The following FNIP1 variants were observed in gnomAD, a reference collection of about 807,000 sequenced individuals.
FNIP1 encodes the protein folliculin interacting protein 1.
In FNIP1, 40 loss-of-function variants were observed where a neutral mutation model predicts 124.5. The ratio of observed to expected loss-of-function variants is 0.32; its 90% CI spans 0.25 to 0.42. FNIP1 has a LOEUF of 0.42. FNIP1 is among the 10% of genes least tolerant of loss of function. The pLI is 1.00. For missense variants in FNIP1, 1,176 were observed against 1,403.7 expected, an observed-to-expected ratio of 0.84 and a Z score of 2.59; for synonymous variants, 472 against 470.6, an observed-to-expected ratio of 1.00 and a Z score of -0.04.
chr5:131,672,212 A>C lies in FNIP1; in HGVS notation c.2232T>G (p.Cys744Trp). The C allele has an allele frequency of 6.2e-7, 1 of 1,614,232 alleles. No individual in the cohort carries two copies. Residue 744 changes from cysteine (C) to tryptophan (W), a missense_variant, in exon 14 of 18, where the codon TGT (cysteine) becomes TGG (tryptophan). Physicochemically the swap from Cys to Trp is radical, Grantham distance 215. Around this residue, in one of 2 missense-constraint regions of FNIP1, gnomAD observed 1,109 missense variants for 1,288.5 expected, o/e 0.86. Coordinates refer to ENST00000510461, the MANE Select transcript of FNIP1 (RefSeq NM_133372.3). Reference protein sequence around the residue: ...PDKIVPASFSCEAAQTKVTFL... With the variant: ...PDKIVPASFSWEAAQTKVTFL... ...AAGTAACCTTTGTCTGGGCAGCCTC[A>C]CAAGAAAATGAAGCAGGCACAATCT...
chr5:131,783,769 G>C lies in FNIP1; in HGVS notation c.92+13061C>G, dbSNP rs558137700. On this transcript the variant is annotated intron_variant, in intron 1 of 17. Coordinates refer to ENST00000510461, the MANE Select transcript of FNIP1 (RefSeq NM_133372.3). ...GCAATACTGGAAGCTCAAGACAATA[G>C]GGCAATGCCTTCAAATTACTGACTT... 4.6e-5 allele frequency among the ~76,000 whole-genome samples: 7 copies of C among 152,102 alleles called. No individual in the cohort carries two copies. The South Asian group carries it at 1.5e-3, about 32-fold the overall frequency.
At chr5:131,744,312 T>C (rs1223857056) in intron 2 of FNIP1, among the ~76,000 whole-genome samples, 1 of 152,196 alleles carries the variant, frequency 6.6e-6, no homozygotes, top group African/African-American at 2.4e-5. Context: ...GAAGTCATGC[T>C]TATCACATTT....
intron 15 of FNIP1, among the ~76,000 whole-genome samples, chr5:131,655,697 C>A (rs1767170129): frequency 6.6e-6 from 1 of 151,200 alleles, no homozygotes; most frequent in Non-Finnish European, 1.5e-5. Flanking sequence ...AAAAACTAAT[C>A]TCTTTTCGAG....
chr5:131,759,788 A>G (rs930163062), intron 1 of FNIP1, among the ~76,000 whole-genome samples: 1 of 152,160 alleles, frequency 6.6e-6, no homozygotes, highest in Admixed American at 6.6e-5. Context: ...ACATGTATTC[A>G]TATGTTCATC....
intron 11 of FNIP1, among the ~76,000 whole-genome samples, chr5:131,694,160 G>T (rs1415857954): frequency 1.3e-5 from 2 of 152,178 alleles, no homozygotes; most frequent in Non-Finnish European, 2.9e-5. Flanking sequence ...ATGACAGTTT[G>T]ATCATTTCTT....
At position 131,670,635 on chromosome 5, in the gene FNIP1, G is replaced by A; in HGVS notation, c.2940-4C>T. Reference sequence around the variant, plus strand: ...ACTCACTTCGATTAACTTTGACCTGGAAGAAAAATGCCCCCAAAAGACATT... The same window carrying A: ...ACTCACTTCGATTAACTTTGACCTGAAAGAAAAATGCCCCCAAAAGACATT... On this transcript the variant is annotated splice_region_variant and splice_polypyrimidine_tract_variant and intron_variant, in intron 14 of 17. Coordinates refer to ENST00000510461, the MANE Select transcript of FNIP1 (RefSeq NM_133372.3). The A allele has an allele frequency of 3.2e-6, 5 of 1,566,662 alleles. No homozygotes were observed. The highest frequency in any genetic ancestry group is 2.3e-5 in the East Asian group (1 of 43,586).
intron 15 of FNIP1, among the ~76,000 whole-genome samples, chr5:131,653,928 G>T (rs1767118567): frequency 6.6e-6 from 1 of 152,106 alleles, no homozygotes; most frequent in Non-Finnish European, 1.5e-5. Context: ...TTTTAGTAGA[G>T]ACAGGGTTTC....
intron 3 of FNIP1, among the ~76,000 whole-genome samples, chr5:131,729,862 C>T (rs138771291): frequency 7.2e-4 from 110 of 152,272 alleles, no homozygotes; most frequent in African/African-American, 2.5e-3. Flanking sequence ...TCTCCTGCCC[C>T]AGCCTCCTGA....
chr5:131,693,531 TA>T (rs1768588256), intron 11 of FNIP1, among the ~76,000 whole-genome samples: 1 of 151,452 alleles, frequency 6.6e-6, no homozygotes. Context: ...CATCCACATG[TA>T]AAAGCATGAA....
intron 10 of FNIP1, among the ~76,000 whole-genome samples, chr5:131,700,941 T>C (rs1039120533): frequency 2.6e-5 from 4 of 152,216 alleles, no homozygotes; most frequent in African/African-American, 9.6e-5. Context: ...ATACTACAAT[T>C]GAACAAATAT....
At chr5:131,749,389 T>C (rs1297132836) in intron 1 of FNIP1, among the ~76,000 whole-genome samples, 4 of 151,290 alleles carry the variant, frequency 2.6e-5, no homozygotes, top group African/African-American at 7.3e-5. Flanking sequence ...TACCACTTTT[T>C]ATCTTTTTTT....
intron 15 of FNIP1, among the ~76,000 whole-genome samples, chr5:131,668,551 G>C (rs1352186999): frequency 6.6e-6 from 1 of 152,142 alleles, no homozygotes; most frequent in East Asian, 1.9e-4. Flanking sequence ...CAGGTGTGGT[G>C]GTGGGCACCT....
intron 9 of FNIP1, among the ~76,000 whole-genome samples, chr5:131,705,931 T>C (rs1769093164): frequency 1.3e-5 from 2 of 152,244 alleles, no homozygotes; most frequent in South Asian, 4.1e-4. Flanking sequence ...GGAATGAATT[T>C]CTGACACATG....
chr5:131,736,327 G>A (rs1035182293), intron 2 of FNIP1, among the ~76,000 whole-genome samples: 1 of 152,144 alleles, frequency 6.6e-6, no homozygotes, highest in Admixed American at 6.5e-5. Flanking sequence ...GATGAGAAAC[G>A]TGAAGCTCAA....
intron 2 of FNIP1, among the ~76,000 whole-genome samples, chr5:131,733,169 A>G: frequency 6.6e-6 from 1 of 152,202 alleles, no homozygotes; most frequent in Non-Finnish European, 1.5e-5. Flanking sequence ...TGATTTTTGC[A>G]CATTGATTTT....
chr5:131,699,455 G>A (rs943335443), intron 10 of FNIP1, among the ~76,000 whole-genome samples: 5 of 148,020 alleles, frequency 3.4e-5, no homozygotes, highest in African/African-American at 5.0e-5. Context: ...GTGCAATGGC[G>A]CGATCTCGGC....
At chr5:131,773,563 G>A (rs1580827594) in intron 1 of FNIP1, among the ~76,000 whole-genome samples, 1 of 152,090 alleles carries the variant, frequency 6.6e-6, no homozygotes, top group Non-Finnish European at 1.5e-5. Flanking sequence ...ATCACCAATA[G>A]GAATCATAGA....
intron 16 of FNIP1, among the ~76,000 whole-genome samples, chr5:131,648,122 G>C (rs1766943617): frequency 6.9e-6 from 1 of 145,702 alleles, no homozygotes; most frequent in African/African-American, 2.5e-5. Context: ...CTGAGGCCAG[G>C]AGTTCGAGAT....
chr5:131,761,236 C>T (rs1771219809), intron 1 of FNIP1, among the ~76,000 whole-genome samples: 1 of 152,136 alleles, frequency 6.6e-6, no homozygotes, highest in South Asian at 2.1e-4. Flanking sequence ...ATTCATCATT[C>T]CCTCTGTAAA....
Sources: gnomAD v4.1 joint callset for allele counts (sites outside exome capture counted in the v4.1 genomes callset) on GRCh38, gnomAD v4.1.1 for gene constraint, gnomAD v4.1.1 regional missense constraint, MANE v1.5 for transcripts, NCBI Gene and HGNC (gene_info 2026-07-23, HGNC 2026-07-21) for gene names.